The following THADA variants were observed in gnomAD, a reference collection of about 807,000 sequenced individuals.
THADA encodes the protein THADA armadillo repeat containing.
A neutral mutation model predicts 219.8 loss-of-function variants in THADA; 213 were observed. That is an observed-to-expected ratio of 0.97 (90% CI 0.87 to 1.09). The LOEUF is 1.09. Ranked by LOEUF, THADA falls within the 50% of genes least tolerant of loss-of-function variation. THADA has a pLI of 0.00. For synonymous variants in THADA, 1,018 were observed against 828.9 expected (o/e 1.23, Z -3.92); for missense variants, 2,956 against 2,311.3 (o/e 1.28, Z -5.72).
chr2:43,240,537 G>A (rs142999502), intron 36 of THADA, among the ~76,000 whole-genome samples: 64 of 152,260 alleles, frequency 4.2e-4, no homozygotes, highest in African/African-American at 1.4e-3. Context: ...CCTCTACTCC[G>A]AGACTAGCCA....
chr2:43,449,196 G>A (rs1027309154), intron 26 of THADA, among the ~76,000 whole-genome samples: 2 of 152,124 alleles, frequency 1.3e-5, no homozygotes, highest in African/African-American at 4.8e-5. Flanking sequence ...AAATTCATTA[G>A]AGGGATTCGA....
At chr2:43,349,657 C>T (rs1447563193) in intron 29 of THADA, among the ~76,000 whole-genome samples, 2 of 152,024 alleles carry the variant, frequency 1.3e-5, no homozygotes, top group Non-Finnish European at 2.9e-5. Context: ...CCAGCAATAA[C>T]AGGACAAGGT....
chr2:43,273,126 G>A (rs1174577713), intron 36 of THADA, among the ~76,000 whole-genome samples: 1 of 152,062 alleles, frequency 6.6e-6, no homozygotes, highest in Non-Finnish European at 1.5e-5. Flanking sequence ...GTGTGTGTCT[G>A]TAATCCCAGC....
intron 25 of THADA, among the ~76,000 whole-genome samples, chr2:43,485,720 A>T (rs1189217742): frequency 6.6e-6 from 1 of 152,120 alleles, no homozygotes; most frequent in Non-Finnish European, 1.5e-5. Flanking sequence ...TACCTACGAG[A>T]AAATACTTAT....
chr2:43,532,477 G>T (rs139548267), intron 21 of THADA, among the ~76,000 whole-genome samples: 1,680 of 149,862 alleles, frequency 0.011, 37 homozygotes, highest in African/African-American at 0.039. Context: ...GATCCATCAC[G>T]TAAGCAGAAC....
chr2:43,264,983 G>A (rs1415699445), intron 36 of THADA, among the ~76,000 whole-genome samples: 1 of 152,258 alleles, frequency 6.6e-6, no homozygotes, highest in Non-Finnish European at 1.5e-5. Context: ...GACCAGCACT[G>A]CATATTGGAG....
At chr2:43,324,541 A>G (rs1267555420) in intron 30 of THADA, among the ~76,000 whole-genome samples, 2 of 152,244 alleles carry the variant, frequency 1.3e-5, no homozygotes, top group African/African-American at 4.8e-5. Flanking sequence ...TCCACCCTTG[A>G]GGACAGCCAA....
chr2:43,232,705 G>T lies in THADA; in HGVS notation c.5466+8C>A, dbSNP rs202244428. Reference sequence around the variant, plus strand: ...CTGCCTCCTACTCCCCTGACACCCCGGGATCACCTGATGCATGCTCTCCAC... The same window carrying T: ...CTGCCTCCTACTCCCCTGACACCCCTGGATCACCTGATGCATGCTCTCCAC... On this transcript the variant is annotated splice_region_variant and intron_variant, in intron 37 of 37. Coordinates refer to ENST00000405975, the MANE Select transcript of THADA (RefSeq NM_022065.5). 3.7e-6 allele frequency: 6 copies of T among 1,613,186 alleles called. No homozygotes were observed. The highest frequency in any genetic ancestry group is 5.1e-6 in the Non-Finnish European group (6 of 1,179,360).
intron 29 of THADA, among the ~76,000 whole-genome samples, chr2:43,389,511 C>A (rs887707296): frequency 4.6e-5 from 7 of 152,108 alleles, no homozygotes; most frequent in African/African-American, 1.4e-4. Context: ...AACACACTAA[C>A]GTATTCTTCC....
intron 21 of THADA, among the ~76,000 whole-genome samples, chr2:43,534,438 G>C (rs1184643656): frequency 6.6e-6 from 1 of 152,026 alleles, no homozygotes; most frequent in African/African-American, 2.4e-5. Flanking sequence ...TTCCTATGTA[G>C]CTGTAATTTG....
Position 43,248,202 on chromosome 2 carries a change from GA to G in THADA, c.5297-15321del, listed in dbSNP as rs1558464649. On this transcript the variant is annotated intron_variant, in intron 36 of 37. Transcript: ENST00000405975. ...AGAGAGAGAGAGAGAGAGAGAGAGA[GA>G]GAGAGAGAGAGACAGAGAGAGAGAG... Among the ~76,000 whole-genome samples, 89 of 135,954 alleles carry G rather than the reference GA, an allele frequency of 6.5e-4. 1 individual carries two copies. Among genetic ancestry groups the G allele is most frequent in the Middle Eastern group, 7.8e-3 (2 of 256 alleles). The allele number at this position is 135,954 out of a possible 152,430, so 89.2% of individuals were successfully genotyped here.
chr2:43,586,881 A>T lies in THADA; in HGVS notation c.424T>A (p.Ser142Thr), dbSNP rs1221330869. 3 of 1,613,930 alleles carry T rather than the reference A, an allele frequency of 1.9e-6. No homozygotes were observed. The highest frequency in any genetic ancestry group is 8.5e-7 in the Non-Finnish European group (1 of 1,179,864). The change falls in exon 5 of 38, where the codon TCT becomes ACT. Residue 142 changes from serine to threonine, a missense_variant. Ser to Thr is a moderately conservative substitution (Grantham distance 58, BLOSUM62 1). Transcript: ENST00000405975. The part of the protein sequence containing the change: ...YSYRKVTDNI[S>T]SCMENFNLGR... ...AAGTTAAAGTTCTCCATACAGGAAG[A>T]AATATTGTCAGTAACTTTCCTGTAA... is the stretch of plus-strand genomic sequence containing the variant.
intron 8 of THADA, 44 bp downstream of exon 8, chr2:43,581,697 A>G: frequency 6.6e-7 from 1 of 1,517,120 alleles, no homozygotes; most frequent in Non-Finnish European, 9.0e-7. Flanking sequence ...ACTCAATTTT[A>G]ACTGTCAATT....
chr2:43,533,369 C>T (rs1694142265), intron 21 of THADA, among the ~76,000 whole-genome samples: 1 of 152,154 alleles, frequency 6.6e-6, no homozygotes, highest in Non-Finnish European at 1.5e-5. Context: ...TAACATTTGA[C>T]CCAGCAATCC....
chr2:43,369,351 T>C (rs1387817682), intron 29 of THADA, among the ~76,000 whole-genome samples: 2 of 152,234 alleles, frequency 1.3e-5, no homozygotes, highest in African/African-American at 4.8e-5. Flanking sequence ...AGAACACCTT[T>C]TGTCCATTAA....
At chr2:43,255,742 C>T (rs1325824772) in intron 36 of THADA, among the ~76,000 whole-genome samples, 6 of 152,216 alleles carry the variant, frequency 3.9e-5, no homozygotes, top group East Asian at 1.9e-4. Context: ...CACTCATTAT[C>T]GGGTTTCCAG....
intron 19 of THADA, among the ~76,000 whole-genome samples, chr2:43,551,342 T>A (rs79620095): frequency 6.6e-6 from 1 of 152,164 alleles, no homozygotes; most frequent in Non-Finnish European, 1.5e-5. Flanking sequence ...ACGTTCTCAA[T>A]TTATTTTTTT....
At chr2:43,353,665 T>G (rs748616860) in intron 29 of THADA, among the ~76,000 whole-genome samples, 6 of 152,248 alleles carry the variant, frequency 3.9e-5, no homozygotes, top group Non-Finnish European at 7.4e-5. Flanking sequence ...TTTATTTTAT[T>G]TATTTATTGA....
intron 36 of THADA, among the ~76,000 whole-genome samples, chr2:43,250,447 C>T (rs574603113): frequency 1.3e-5 from 2 of 152,228 alleles, no homozygotes; most frequent in African/African-American, 4.8e-5. Context: ...AGTGATGAAA[C>T]CGTTCTGGAA....
Sources: allele counts gnomAD v4.1 joint callset (sites outside exome capture counted in the v4.1 genomes callset), GRCh38; gene constraint gnomAD v4.1.1; transcripts MANE v1.5; gene names NCBI Gene and HGNC (gene_info 2026-07-23, HGNC 2026-07-21).